The following CLCN3 variants were observed in gnomAD, a reference collection of about 807,000 sequenced individuals.
The protein encoded by CLCN3 is H(+)/Cl(-) exchange transporter 3.
In CLCN3, 16 loss-of-function variants were observed where a neutral mutation model predicts 83.4. That is an observed-to-expected ratio of 0.19 (90% CI 0.13 to 0.29). The LOEUF (loss-of-function observed/expected upper bound fraction) is 0.29. Ranked by LOEUF, CLCN3 falls within the 10% of genes least tolerant of loss-of-function variation. The probability of loss-of-function intolerance (pLI) is 1.00; values close to 1 mark genes in which losing one functional copy is unlikely to be tolerated. For missense variants in CLCN3, 544 were observed against 1,006.0 expected, an observed-to-expected ratio of 0.54 and a Z score of 6.21; for synonymous variants, 322 against 346.2, an observed-to-expected ratio of 0.93 and a Z score of 0.78.
chr4:169,691,840 G>A lies in CLCN3; in HGVS notation c.730-274G>A, dbSNP rs1260168461. 4.6e-5 allele frequency among the ~76,000 whole-genome samples: 7 copies of A among 151,956 alleles called. No homozygotes were observed. The East Asian group carries it at 9.7e-4, about 21-fold the overall frequency. Reference sequence around the variant, plus strand: ...TGTAATTATAATCCTTATAATTAAGGTCTGTATTCATTTTAACATGGCCTG... The same window carrying A: ...TGTAATTATAATCCTTATAATTAAGATCTGTATTCATTTTAACATGGCCTG... On this transcript the variant is annotated intron_variant, in intron 6 of 12. Transcript: ENST00000513761.
intron 2 of CLCN3, among the ~76,000 whole-genome samples, chr4:169,643,411 G>A (rs1730478818): frequency 6.6e-6 from 1 of 151,468 alleles, no homozygotes; most frequent in African/African-American, 2.4e-5. Context: ...TTTGTATTTA[G>A]TAGAGACGGG....
rs143261199 is a variant in CLCN3, at chr4:169,662,711, C to T, written c.161-17339C>T. On this transcript the variant is annotated intron_variant, in intron 2 of 12. Coordinates refer to ENST00000513761, the MANE Select transcript of CLCN3 (RefSeq NM_001829.4). ...TTGAATTTAATACTACTTTTCAAGG[C>T]GAGATGGTAAATGGTGAAGCTTCCT... The T allele has an allele frequency of 3.8e-3, 575 of 152,074 alleles. 6 individuals are homozygous for T. Among genetic ancestry groups the T allele is most frequent in the African/African-American group, 0.012 (512 of 41,490 alleles). 9.4% of individuals were successfully genotyped at this position (152,074 alleles called of 1,614,324 possible). A position where few individuals can be genotyped will look rare whatever the true frequency, so the allele number is the denominator to read the frequency against.
At chr4:169,641,716 C>T (rs1730418328) in intron 2 of CLCN3, among the ~76,000 whole-genome samples, 1 of 152,094 alleles carries the variant, frequency 6.6e-6, no homozygotes, top group African/African-American at 2.4e-5. Context: ...GCTGAGTGGC[C>T]ATCTCTTAGT....
intron 1 of CLCN3, among the ~76,000 whole-genome samples, chr4:169,630,190 A>G (rs1773333971): frequency 6.6e-6 from 1 of 152,216 alleles, no homozygotes; most frequent in African/African-American, 2.4e-5. Flanking sequence ...CCATGGGTAT[A>G]CAGCATGATG....
chr4:169,720,068 T>G lies in CLCN3; in HGVS notation c.*71T>G. On this transcript the variant is annotated 3_prime_UTR_variant, in exon 13 of 13. Coordinates refer to ENST00000513761, the MANE Select transcript of CLCN3 (RefSeq NM_001829.4). Reference sequence around the variant, plus strand: ...TGTTGAATAGCACAACTCTTTAACCTGAGGGAGTCATCTACTTTTTTTTCC... The same window carrying G: ...TGTTGAATAGCACAACTCTTTAACCGGAGGGAGTCATCTACTTTTTTTTCC... 1 of 1,572,580 alleles carries G rather than the reference T, an allele frequency of 6.4e-7. No individual in the cohort carries two copies. The highest frequency in any genetic ancestry group is 8.6e-7 in the Non-Finnish European group (1 of 1,163,148).
chr4:169,688,744 C>A (rs1030712893), intron 4 of CLCN3, among the ~76,000 whole-genome samples: 1 of 151,954 alleles, frequency 6.6e-6, no homozygotes, highest in East Asian at 1.9e-4. Flanking sequence ...ATTTGTGAAC[C>A]TCCTGCCAAG....
At chr4:169,715,788 T>G (rs922444970) in intron 12 of CLCN3, among the ~76,000 whole-genome samples, 6 of 149,850 alleles carry the variant, frequency 4.0e-5, no homozygotes, top group Non-Finnish European at 8.9e-5. Context: ...TTAATCTTGG[T>G]GGAATTAGCA....
At chr4:169,689,319 G>GTTCT in intron 5 of CLCN3, 89 bp downstream of exon 5, 1 of 1,108,098 alleles carries the variant, frequency 9.0e-7, no homozygotes. Flanking sequence ...TCACATATTA[G>GTTCT]ATGATTACAT....
At position 169,635,955 on chromosome 4, in the gene CLCN3, A is replaced by T; in HGVS notation, c.27A>T (p.Arg9Ser). 1.9e-6 allele frequency: 3 copies of T among 1,607,538 alleles called. No homozygotes were observed. Among genetic ancestry groups the T allele is most frequent in the Non-Finnish European group, 2.5e-6 (3 of 1,176,670 alleles). The change falls in exon 2 of 13, where the codon AGA becomes AGT. Residue 9 changes from arginine (R) to serine (S), a missense_variant. Arg to Ser is a moderately radical substitution (Grantham distance 110). This residue lies in a region of CLCN3 where 77 missense variants were observed against 92.8 expected (regional missense o/e 0.83). Coordinates refer to ENST00000513761, the MANE Select transcript of CLCN3 (RefSeq NM_001829.4). MESEQLFH[R>S]GYYRNSYNSI... The stretch of plus-strand genomic sequence containing the variant: ...TGGAGTCTGAGCAGCTGTTCCATAG[A>T]GGCTACTATAGAAACAGCTACAACA...
intron 5 of CLCN3, among the ~76,000 whole-genome samples, 200 bp from the exon 6 acceptor site, chr4:169,690,330 G>A (rs1364603157): frequency 6.6e-6 from 1 of 151,842 alleles, no homozygotes; most frequent in African/African-American, 2.4e-5. Context: ...ATTTTTAATA[G>A]CAACGGGGTT....
At position 169,697,539 on chromosome 4, in the gene CLCN3, C is replaced by G; in HGVS notation, c.1368C>G (p.Ile456Met). The G allele has an allele frequency of 6.2e-7, 1 of 1,614,200 alleles. No individual in the cohort carries two copies. Among genetic ancestry groups the G allele is most frequent in the Non-Finnish European group, 8.5e-7 (1 of 1,180,028 alleles). Residue 456 changes from isoleucine to methionine, a missense_variant, in exon 9 of 13, where the codon ATC (isoleucine) becomes ATG (methionine). By Grantham distance (10) the Ile-to-Met change is conservative. Around this residue, in one of 6 missense-constraint regions of CLCN3, gnomAD observed 194 missense variants for 341.4 expected, o/e 0.57. Transcript: ENST00000513761. ...PYTRLNTSELIKELFTDCGPL... is the reference protein window; with the variant it reads ...PYTRLNTSELMKELFTDCGPL... The stretch of plus-strand genomic sequence containing the variant: ...CTAGGCTAAACACCAGTGAACTGAT[C>G]AAAGAGCTTTTTACAGACTGTGGTC...
chr4:169,665,992 TTAAG>T (rs1731231382), intron 2 of CLCN3, among the ~76,000 whole-genome samples: 1 of 151,926 alleles, frequency 6.6e-6, no homozygotes, highest in Non-Finnish European at 1.5e-5. Flanking sequence ...TTTTTTTTTT[TTAAG>T]TTCAGTTCAG....
rs576171828 is a variant in CLCN3 at position 169,717,857 on chromosome 4, T to G, written c.2367-2050T>G. Reference sequence around the variant, plus strand: ...CATCTCGAGCAACTAAAGCAGCACGTCGAACCCTTGGTGATTAGATATATC... The same window carrying G: ...CATCTCGAGCAACTAAAGCAGCACGGCGAACCCTTGGTGATTAGATATATC... On this transcript the variant is annotated intron_variant, in intron 12 of 12. Coordinates refer to ENST00000513761, the MANE Select transcript of CLCN3 (RefSeq NM_001829.4). The G allele has an allele frequency of 2.5e-6, 4 of 1,611,156 alleles. No individual in the cohort carries two copies. In the South Asian group the frequency reaches 4.4e-5, roughly 18 times the overall value.
chr4:169,704,737 T>G (rs1378905199), intron 10 of CLCN3, among the ~76,000 whole-genome samples: 1 of 152,214 alleles, frequency 6.6e-6, no homozygotes, highest in Non-Finnish European at 1.5e-5. Context: ...AGTACTTGAG[T>G]CTATTTAATG....
chr4:169,686,579 G>A (rs1732167442), intron 3 of CLCN3, among the ~76,000 whole-genome samples: 2 of 152,096 alleles, frequency 1.3e-5, no homozygotes, highest in Admixed American at 1.3e-4. Context: ...ACCACACCCA[G>A]CTAATTTCTG....
At chr4:169,625,253 T>G (rs1194753051) in intron 1 of CLCN3, among the ~76,000 whole-genome samples, 1 of 152,224 alleles carries the variant, frequency 6.6e-6, no homozygotes, top group African/African-American at 2.4e-5. Flanking sequence ...ATTGACAATC[T>G]TTTTCTTCTT....
intron 2 of CLCN3, among the ~76,000 whole-genome samples, chr4:169,641,281 C>A (rs950436149): frequency 1.3e-5 from 2 of 152,036 alleles, no homozygotes; most frequent in African/African-American, 4.8e-5. Flanking sequence ...AAATAAAAAA[C>A]CTTTGGAAAT....
chr4:169,671,436 G>A (rs1484377148), intron 2 of CLCN3, among the ~76,000 whole-genome samples: 2 of 152,076 alleles, frequency 1.3e-5, no homozygotes, highest in African/African-American at 4.8e-5. Flanking sequence ...ATCACACACC[G>A]AGGCCTGTTG....
intron 2 of CLCN3, among the ~76,000 whole-genome samples, chr4:169,647,655 G>C (rs1730613625): frequency 6.6e-6 from 1 of 152,110 alleles, no homozygotes; most frequent in Admixed American, 6.6e-5. Context: ...ATAACTCAAA[G>C]TATAAAATAA....
Sources: gnomAD v4.1 joint callset for allele counts (sites outside exome capture counted in the v4.1 genomes callset) on GRCh38, gnomAD v4.1.1 for gene constraint, gnomAD v4.1.1 regional missense constraint, MANE v1.5 for transcripts, NCBI Gene and HGNC (gene_info 2026-07-23, HGNC 2026-07-21) for gene names.